DPP6: variants seen among roughly 807,000 people sequenced by gnomAD.
DPP6 encodes the protein A-type potassium channel modulatory protein DPP6.
DPP6 carries 69 observed loss-of-function variants against 122.6 expected under a neutral mutation model. That is an observed-to-expected ratio of 0.56 (90% CI 0.46 to 0.69). The LOEUF is 0.69. Among genes scored for constraint, DPP6 ranks in the 30% least tolerant of loss-of-function variants. DPP6 has a pLI of 0.00. For synonymous variants in DPP6, 418 were observed against 433.1 expected, an observed-to-expected ratio of 0.97 and a Z score of 0.43; for missense variants, 928 against 1,116.9, an observed-to-expected ratio of 0.83 and a Z score of 2.41.
intron 1 of DPP6, among the ~76,000 whole-genome samples, chr7:154,201,987 C>G (rs1302855850): frequency 6.6e-6 from 1 of 152,146 alleles, no homozygotes; most frequent in Non-Finnish European, 1.5e-5. Flanking sequence ...CAAACACTTA[C>G]CAGTTTTTGT....
At chr7:153,920,385 A>G (rs116282815) in intron 1 of DPP6, among the ~76,000 whole-genome samples, 1,855 of 152,196 alleles carry the variant, frequency 0.012, 39 homozygotes, top group African/African-American at 0.042. Flanking sequence ...TGTGGCAACA[A>G]TGTTGCAATC....
rs1800481827 is a variant in DPP6 at position 154,052,978 on chromosome 7, C to T, written c.158C>T (p.Pro53Leu). The T allele has an allele frequency of 5.5e-6, 6 of 1,094,648 alleles. No individual in the cohort carries two copies. The highest frequency in any genetic ancestry group is 1.7e-5 in the African/African-American group (1 of 59,308). The allele number at this position is 1,094,648 out of a possible 1,614,324, so 67.8% of individuals were successfully genotyped here. Residue 53 changes from proline (P) to leucine (L), a missense_variant, in exon 1 of 26, where the codon CCC becomes CTC. Coordinates refer to ENST00000377770, the MANE Select transcript of DPP6 (RefSeq NM_130797.4). This position sits in a 1 kb window ranked among gnomAD's most constrained non-coding sequence, Gnocchi z 4.8. ...PLGPRAQAAA[P>L]RERGGGGGGA... ...GGCCCGCGGGCGCAGGCGGCGGCGC[C>T]CCGGGAGCGCGGCGGCGGCGGCGGC...
chr7:153,915,128 G>A (rs1800251795), intron 1 of DPP6, among the ~76,000 whole-genome samples: 1 of 152,174 alleles, frequency 6.6e-6, no homozygotes, highest in Non-Finnish European at 1.5e-5. Context: ...CAGAACATCA[G>A]GCTTAAAGCT....
intron 3 of DPP6, among the ~76,000 whole-genome samples, chr7:154,494,630 T>C (rs947111194): frequency 4.6e-5 from 7 of 152,110 alleles, no homozygotes; most frequent in Non-Finnish European, 7.4e-5. Flanking sequence ...TTATATTCTC[T>C]TCTTATTGCA....
chr7:154,262,416 CA>C (rs1803088008), intron 1 of DPP6, among the ~76,000 whole-genome samples: 1 of 152,100 alleles, frequency 6.6e-6, no homozygotes, highest in Non-Finnish European at 1.5e-5. Context: ...CACAGTGAGA[CA>C]CCAGGAATGC....
intron 2 of DPP6, among the ~76,000 whole-genome samples, chr7:154,450,178 G>A (rs1820239896): frequency 6.6e-6 from 1 of 152,092 alleles, no homozygotes; most frequent in Non-Finnish European, 1.5e-5. Flanking sequence ...TGGCATAAAA[G>A]GCCACATATT....
At chr7:154,535,606 C>A (rs997636575) in intron 3 of DPP6, among the ~76,000 whole-genome samples, 4 of 151,028 alleles carry the variant, frequency 2.6e-5, no homozygotes, top group Non-Finnish European at 4.4e-5. Context: ...GAAAGCCACA[C>A]CCTGGTAAAG....
chr7:153,898,177 G>A (rs1376962057), intron 1 of DPP6, among the ~76,000 whole-genome samples: 2 of 152,170 alleles, frequency 1.3e-5, no homozygotes, highest in East Asian at 3.8e-4. Flanking sequence ...AAGAGTCTGG[G>A]TGCAGTGGCT....
At chr7:153,939,142 CGAA>C (rs1801586101) in intron 1 of DPP6, among the ~76,000 whole-genome samples, 1 of 152,030 alleles carries the variant, frequency 6.6e-6, no homozygotes, top group Admixed American at 6.5e-5. Flanking sequence ...TTCAATGCCT[CGAA>C]GAAGGTGCAT....
chr7:154,305,852 A>G (rs1806294289), intron 1 of DPP6, among the ~76,000 whole-genome samples: 1 of 152,002 alleles, frequency 6.6e-6, no homozygotes, highest in South Asian at 2.1e-4. Flanking sequence ...ACTTGATGTG[A>G]AACACCTCTG....
chr7:154,192,264 A>G (rs989818288), intron 1 of DPP6, among the ~76,000 whole-genome samples: 7 of 152,264 alleles, frequency 4.6e-5, no homozygotes, highest in Admixed American at 1.3e-4. Flanking sequence ...TCTTGATAGC[A>G]TCACTGATTC....
chr7:154,186,440 A>G (rs2150756292), intron 1 of DPP6, among the ~76,000 whole-genome samples: 1 of 152,400 alleles, frequency 6.6e-6, no homozygotes, highest in African/African-American at 2.4e-5. Context: ...CTGAAAATGT[A>G]TTGCATACAA....
At chr7:154,164,273 G>A (rs1365215915) in intron 1 of DPP6, among the ~76,000 whole-genome samples, 6 of 95,726 alleles carry the variant, frequency 6.3e-5, no homozygotes, top group Non-Finnish European at 1.2e-4. Context: ...TCTCTCCCCC[G>A]CTCCTTCCCT....
intron 7 of DPP6, among the ~76,000 whole-genome samples, chr7:154,716,578 G>A (rs4960602): frequency 0.19 from 28,526 of 151,936 alleles, 4,183 homozygotes; most frequent in African/African-American, 0.41. Context: ...TCCTGGATGT[G>A]GGACAGCAGG....
chr7:154,870,302 T>C (rs954391097), intron 18 of DPP6, among the ~76,000 whole-genome samples: 3 of 151,834 alleles, frequency 2.0e-5, no homozygotes, highest in Admixed American at 6.6e-5. Context: ...AGAAGAGAAA[T>C]TCAAGAAAAC....
At chr7:154,142,631 G>C (rs188471430) in intron 1 of DPP6, among the ~76,000 whole-genome samples, 6 of 152,142 alleles carry the variant, frequency 3.9e-5, no homozygotes, top group African/African-American at 1.4e-4. Flanking sequence ...TGATTGTACA[G>C]TTGATTAATG....
intron 10 of DPP6, among the ~76,000 whole-genome samples, chr7:154,775,659 C>T (rs1420366476): frequency 2.0e-5 from 3 of 152,002 alleles, no homozygotes; most frequent in Admixed American, 6.6e-5. Flanking sequence ...GTGAGTCTGC[C>T]GGGTTACTCA....
intron 1 of DPP6, among the ~76,000 whole-genome samples, chr7:154,015,539 C>T (rs555817269): frequency 1.6e-4 from 24 of 152,264 alleles, no homozygotes; most frequent in African/African-American, 5.8e-4. Flanking sequence ...AGCTCCTCAT[C>T]CCCATGGCCA....
At chr7:153,824,254 G>A in the DPP6 span, among the ~76,000 whole-genome samples, 6 of 152,134 alleles carry the variant, frequency 3.9e-5, no homozygotes, top group African/African-American at 1.4e-4. Context: ...CCAGTGAGGT[G>A]ATGTGAGCTG....
Sources: allele counts gnomAD v4.1 joint callset (sites outside exome capture counted in the v4.1 genomes callset), GRCh38; gene constraint gnomAD v4.1.1; non-coding constraint Gnocchi (gnomAD v3.1); transcripts MANE v1.5; gene names NCBI Gene and HGNC (gene_info 2026-07-23, HGNC 2026-07-21).